FKBP5: variants seen among roughly 807,000 people sequenced by gnomAD.
FKBP5 encodes peptidyl-prolyl cis-trans isomerase FKBP5.
A neutral mutation model predicts 50.5 loss-of-function variants in FKBP5; 23 were observed. That is an observed-to-expected ratio of 0.46 (90% CI 0.33 to 0.65). The LOEUF is 0.65. Among genes scored for constraint, FKBP5 ranks in the 30% least tolerant of loss-of-function variants. The pLI, the probability that FKBP5 is intolerant of heterozygous loss-of-function variation, is 0.02. For synonymous variants in FKBP5, 176 were observed against 190.6 expected (o/e 0.92, Z 0.63); for missense variants, 411 against 553.1 (o/e 0.74, Z 2.58).
chr6:35,675,946 T>C (rs73748221), intron 1 of FKBP5, among the ~76,000 whole-genome samples: 6,752 of 152,050 alleles, frequency 0.044, 194 homozygotes, highest in African/African-American at 0.085. Flanking sequence ...TATAACAGAG[T>C]AGAAGGGTCC....
At chr6:35,589,110 T>TTTATATGTA (rs1355058388) in intron 7 of FKBP5, among the ~76,000 whole-genome samples, 1 of 103,006 alleles carries the variant, frequency 9.7e-6, no homozygotes, top group African/African-American at 4.2e-5. Context: ...ATATATATTT[T>TTTATATGTA]TATATATATA....
chr6:35,623,585 T>A (rs76020935), intron 3 of FKBP5, among the ~76,000 whole-genome samples: 1 of 151,900 alleles, frequency 6.6e-6, no homozygotes, highest in Non-Finnish European at 1.5e-5. Context: ...TTTTTTTTTT[T>A]AAGAGACAGG....
chr6:35,623,728 T>C (rs1175397397), intron 3 of FKBP5, among the ~76,000 whole-genome samples: 3 of 151,722 alleles, frequency 2.0e-5, no homozygotes, highest in African/African-American at 4.8e-5. Context: ...TACCACCACA[T>C]TGGGCTAATT....
rs1320287932 is a variant in FKBP5, at chr6:35,660,572, C to T, written c.-19-17729G>A. On this transcript the variant is annotated intron_variant, in intron 1 of 10. Transcript: ENST00000357266. ...CATGAGCTACCGCGCCTGGCCAACA[C>T]TGACACTATTTTATGAACAAAAATA... is the stretch of plus-strand genomic sequence containing the variant. Among the ~76,000 whole-genome samples, 2 of 82,780 alleles carry T rather than the reference C, an allele frequency of 2.4e-5. 1 individual carries two copies. The highest frequency in any genetic ancestry group is 5.5e-5 in the Non-Finnish European group (2 of 36,156). 54.3% of individuals were successfully genotyped at this position (82,780 alleles called of 152,430 possible). A position where few individuals can be genotyped will look rare whatever the true frequency, so the allele number is the denominator to read the frequency against.
At chr6:35,610,729 T>C (rs868541025) in intron 5 of FKBP5, among the ~76,000 whole-genome samples, 18 of 152,170 alleles carry the variant, frequency 1.2e-4, no homozygotes, top group South Asian at 1.0e-3. Context: ...CCTTACTGGT[T>C]TTAGCTTGGG....
intron 2 of FKBP5, among the ~76,000 whole-genome samples, chr6:35,694,994 G>A (rs557215906): frequency 2.6e-5 from 4 of 152,264 alleles, no homozygotes; most frequent in African/African-American, 9.6e-5. Context: ...GCATGTCTGT[G>A]TCCCAACAAA....
intron 1 of FKBP5, among the ~76,000 whole-genome samples, chr6:35,727,777 G>A (rs532180372): frequency 6.6e-6 from 1 of 152,344 alleles, no homozygotes; most frequent in South Asian, 2.1e-4. Context: ...CTGAGCGCTG[G>A]AGAGCGCTGG....
At chr6:35,678,918 C>CA (rs890784874) in intron 1 of FKBP5, among the ~76,000 whole-genome samples, 4 of 151,990 alleles carry the variant, frequency 2.6e-5, no homozygotes, top group Admixed American at 2.6e-4. Context: ...TGTGGCTCTA[C>CA]AAAAAAACTT....
chr6:35,716,784 G>A (rs1766520148), intron 2 of FKBP5, among the ~76,000 whole-genome samples: 1 of 152,130 alleles, frequency 6.6e-6, no homozygotes, highest in Non-Finnish European at 1.5e-5. Flanking sequence ...GAGTCTGGGA[G>A]AAGCCACCCT....
In FKBP5 at chr6:35,635,999, G is replaced by T. The variant is rs190212867; in HGVS notation, c.250+1015C>A. The stretch of plus-strand genomic sequence containing the variant: ...CAATTACAATGTGGAAACTGAAAGT[G>T]TATCAGTGAACTTTTCATACTGTTA... On this transcript the variant is annotated intron_variant, in intron 3 of 10. Transcript: ENST00000357266. Among the ~76,000 whole-genome samples, 20 of 152,340 alleles carry T rather than the reference G, an allele frequency of 1.3e-4. 1 individual carries two copies. In the East Asian group the frequency reaches 3.7e-3, roughly 28 times the overall value.
At chr6:35,682,909 A>G (rs931881633) in intron 1 of FKBP5, among the ~76,000 whole-genome samples, 42 of 150,906 alleles carry the variant, frequency 2.8e-4, no homozygotes, top group Middle Eastern at 3.4e-3. Context: ...CTCTTTTAAA[A>G]AAAAAAAAAA....
At chr6:35,635,368 G>A (rs1468944105) in intron 3 of FKBP5, among the ~76,000 whole-genome samples, 3 of 152,058 alleles carry the variant, frequency 2.0e-5, no homozygotes, top group Non-Finnish European at 2.9e-5. Flanking sequence ...GCTATTTGCG[G>A]GGCTGAGTTG....
intron 8 of FKBP5, chr6:35,585,126 A>G: frequency 3.1e-6 from 3 of 983,386 alleles, no homozygotes; most frequent in Non-Finnish European, 3.6e-6. Context: ...ATATAATTCT[A>G]GTCAAAGGCC....
chr6:35,667,019 C>CTG (rs35407744), intron 1 of FKBP5, among the ~76,000 whole-genome samples: 12,581 of 148,734 alleles, frequency 0.085, 608 homozygotes, highest in Admixed American at 0.13. Flanking sequence ...GTGTGTGTGT[C>CTG]TGTGTGTGTG....
At chr6:35,613,020 C>A (rs1275156538) in intron 5 of FKBP5, among the ~76,000 whole-genome samples, 2 of 152,130 alleles carry the variant, frequency 1.3e-5, no homozygotes, top group Non-Finnish European at 2.9e-5. Flanking sequence ...GGTAGCAATT[C>A]CAAGATTCAA....
chr6:35,727,772 C>T (rs565653046), intron 1 of FKBP5, among the ~76,000 whole-genome samples: 2 of 152,220 alleles, frequency 1.3e-5, no homozygotes, highest in African/African-American at 2.4e-5. Flanking sequence ...ACGGACTGAG[C>T]GCTGGAGAGC....
At chr6:35,643,204 C>T (rs1764543419) in intron 1 of FKBP5, among the ~76,000 whole-genome samples, 1 of 152,092 alleles carries the variant, frequency 6.6e-6, no homozygotes, top group East Asian at 1.9e-4. Context: ...AAGACCTTAT[C>T]AGTTCTTAAT....
intron 5 of FKBP5, among the ~76,000 whole-genome samples, chr6:35,618,533 G>A (rs571717202): frequency 1.4e-3 from 216 of 152,098 alleles, no homozygotes; most frequent in African/African-American, 4.7e-3. Flanking sequence ...CACCACACTT[G>A]ACTAATTCTC....
At chr6:35,686,145 G>A (rs1765821150) in intron 1 of FKBP5, among the ~76,000 whole-genome samples, 1 of 152,026 alleles carries the variant, frequency 6.6e-6, no homozygotes, top group Non-Finnish European at 1.5e-5. Context: ...ATACCTGAGG[G>A]TAAATGGCTT....
Sources: gnomAD v4.1 joint callset for allele counts (sites outside exome capture counted in the v4.1 genomes callset) on GRCh38, gnomAD v4.1.1 for gene constraint, MANE v1.5 for transcripts, NCBI Gene and HGNC (gene_info 2026-07-23, HGNC 2026-07-21) for gene names.